The following MCC variants were observed in gnomAD, a reference collection of about 807,000 sequenced individuals.
The protein encoded by MCC is colorectal mutant cancer protein.
MCC carries 90 observed loss-of-function variants against 116.2 expected under a neutral mutation model. The observed-to-expected ratio is 0.77, with a 90% CI of 0.65 to 0.92. The LOEUF is 0.92. Among genes scored for constraint, MCC ranks in the 40% least tolerant of loss-of-function variants. The pLI, the probability that MCC is intolerant of heterozygous loss-of-function variation, is 0.00. For synonymous variants in MCC, 578 were observed against 510.5 expected (o/e 1.13, Z -1.78); for missense variants, 1,516 against 1,312.2 (o/e 1.16, Z -2.40).
chr5:113,281,413 C>T (rs2150357258), intron 3 of MCC, among the ~76,000 whole-genome samples: 1 of 152,332 alleles, frequency 6.6e-6, no homozygotes, highest in South Asian at 2.1e-4. Flanking sequence ...AATGGTCATG[C>T]ACCACATGAA....
intron 13 of MCC, 24 bp from the exon 14 acceptor site, chr5:113,064,191 A>G: frequency 1.3e-6 from 2 of 1,593,146 alleles, no homozygotes; most frequent in Non-Finnish European, 1.7e-6. Context: ...AAGCCAACGG[A>G]TTAATCAACA....
At chr5:113,404,395 T>C (rs778053246) in intron 1 of MCC, among the ~76,000 whole-genome samples, 36 of 152,082 alleles carry the variant, frequency 2.4e-4, no homozygotes, top group Non-Finnish European at 4.9e-4. Context: ...TGTGGGAAAA[T>C]GAGTCCTGGT....
intron 11 of MCC, among the ~76,000 whole-genome samples, chr5:113,075,381 G>A (rs185654045): frequency 2.2e-4 from 34 of 152,314 alleles, no homozygotes; most frequent in South Asian, 8.3e-4. Flanking sequence ...CTGCTCTGAG[G>A]TGCCCAGTCC....
intron 1 of MCC, among the ~76,000 whole-genome samples, chr5:113,480,686 A>G (rs147697768): frequency 6.6e-6 from 1 of 152,346 alleles, no homozygotes; most frequent in East Asian, 1.9e-4. Flanking sequence ...GCATCCCTAA[A>G]TATTTTGATG....
chr5:113,426,044 A>G (rs1770473126), intron 1 of MCC, among the ~76,000 whole-genome samples: 1 of 152,144 alleles, frequency 6.6e-6, no homozygotes, highest in Non-Finnish European at 1.5e-5. Flanking sequence ...CAGGCAGGCC[A>G]GGTCCTCAAG....
At chr5:113,136,347 A>G (rs1265967204) in intron 5 of MCC, among the ~76,000 whole-genome samples, 1 of 152,176 alleles carries the variant, frequency 6.6e-6, no homozygotes, top group Non-Finnish European at 1.5e-5. Context: ...AAATAAGAAA[A>G]TATAAATAAA....
intron 3 of MCC, among the ~76,000 whole-genome samples, chr5:113,184,888 C>G (rs1761819792): frequency 6.6e-6 from 1 of 152,156 alleles, no homozygotes; most frequent in Non-Finnish European, 1.5e-5. Flanking sequence ...GTATAAAGTA[C>G]TCATGACACA....
At chr5:113,308,044 C>T (rs1767033604) in intron 3 of MCC, among the ~76,000 whole-genome samples, 1 of 151,704 alleles carries the variant, frequency 6.6e-6, no homozygotes, top group South Asian at 2.1e-4. Context: ...ACGATCATGG[C>T]CCACTGCAGC....
At chr5:113,151,529 G>A (rs1759877148) in intron 3 of MCC, 107 bp from the exon 4 acceptor site, 1 of 649,948 alleles carries the variant, frequency 1.5e-6, no homozygotes, top group Non-Finnish European at 2.7e-6. Flanking sequence ...CATCCAAAAA[G>A]CAACACTTTT....
At chr5:113,112,611 G>C (rs942291834) in intron 6 of MCC, among the ~76,000 whole-genome samples, 5 of 152,058 alleles carry the variant, frequency 3.3e-5, no homozygotes, top group African/African-American at 1.2e-4. Flanking sequence ...GTGTGAAAAC[G>C]GACTAATACA....
At chr5:113,384,596 CA>C (rs991729438) in intron 2 of MCC, among the ~76,000 whole-genome samples, 7 of 152,146 alleles carry the variant, frequency 4.6e-5, no homozygotes, top group East Asian at 3.9e-4. Context: ...CCCCGCCCCC[CA>C]AAAAAATTGC....
intron 3 of MCC, among the ~76,000 whole-genome samples, chr5:113,317,435 T>C (rs1163682772): frequency 6.6e-6 from 1 of 152,214 alleles, no homozygotes; most frequent in Non-Finnish European, 1.5e-5. Context: ...TTTGAGTAAA[T>C]GACACTATAA....
chr5:113,472,967 T>G (rs1772134976), intron 1 of MCC, among the ~76,000 whole-genome samples: 1 of 152,250 alleles, frequency 6.6e-6, no homozygotes, highest in Admixed American at 6.5e-5. Flanking sequence ...AATCAACGCA[T>G]GATGTCAGGT....
chr5:113,082,980 G>C lies in MCC; in HGVS notation c.1664C>G (p.Ala555Gly). ...GVSSSVAEHL[A>G]HSLQDCSNIQ... The stretch of plus-strand genomic sequence containing the variant: ...ATTGGAGCAGTCCTGAAGTGAGTGG[G>C]CCAGGTGTTCAGCCACACTGCTGGA... The change falls in exon 11 of 19, where the codon GCC becomes GGC. Residue 555 changes from alanine (A) to glycine (G), a missense_variant. Coordinates refer to ENST00000408903, the MANE Select transcript of MCC (RefSeq NM_001085377.2). The C allele has an allele frequency of 6.2e-7, 1 of 1,614,000 alleles. No homozygotes were observed. The highest frequency in any genetic ancestry group is 1.1e-5 in the South Asian group (1 of 91,034).
Position 113,028,970 on chromosome 5 carries a change from G to A in MCC, c.2843C>T (p.Ser948Phe). Reference sequence around the variant, plus strand: ...CTTTAGATCATTCACGAACTCTGCAGATTGCTGATGTCGGATTTCACTGCT... The same window carrying A: ...CTTTAGATCATTCACGAACTCTGCAAATTGCTGATGTCGGATTTCACTGCT... ...TKSSEIRHQQ[S>F]AEFVNDLKRA... Residue 948 changes from serine to phenylalanine, a missense_variant, in exon 18 of 19, where the codon TCT becomes TTT. By Grantham distance (155) the Ser-to-Phe change is radical. Coordinates refer to ENST00000408903, the MANE Select transcript of MCC (RefSeq NM_001085377.2). The A allele has an allele frequency of 6.2e-7, 1 of 1,614,076 alleles. No individual in the cohort carries two copies. Among genetic ancestry groups the A allele is most frequent in the Non-Finnish European group, 8.5e-7 (1 of 1,179,986 alleles).
intron 3 of MCC, among the ~76,000 whole-genome samples, chr5:113,184,421 G>A (rs1761786080): frequency 6.6e-6 from 1 of 150,616 alleles, no homozygotes; most frequent in Admixed American, 6.6e-5. Flanking sequence ...TTACTTTGCT[G>A]ATCTATGGAA....
At position 113,472,489 on chromosome 5, in the gene MCC, C is replaced by T. The variant is rs6868620; in HGVS notation, c.170+15756G>A. 3.1e-3 allele frequency among the ~76,000 whole-genome samples: 465 copies of T among 152,326 alleles called. 7 individuals are homozygous for T. The highest frequency in any genetic ancestry group is 0.02 in the East Asian group (104 of 5,192). ...TAAGACAAAATACTCCTTAAGGTCACAAGTTATAATATATTCAACTTTGTA... is the reference window on the plus strand; with the variant it reads ...TAAGACAAAATACTCCTTAAGGTCATAAGTTATAATATATTCAACTTTGTA... On this transcript the variant is annotated intron_variant, in intron 1 of 18. Transcript: ENST00000408903.
chr5:113,258,609 G>A (rs547879167), intron 3 of MCC, among the ~76,000 whole-genome samples: 38 of 152,336 alleles, frequency 2.5e-4, no homozygotes, highest in Admixed American at 1.4e-3. Context: ...AATACCATCC[G>A]CCACCCCTGC....
At chr5:113,092,775 T>C (rs1254076474) in intron 8 of MCC, among the ~76,000 whole-genome samples, 1 of 152,162 alleles carries the variant, frequency 6.6e-6, no homozygotes, top group Admixed American at 6.5e-5. Context: ...CTGGCCAGAT[T>C]TCCCAAAAGC....
Sources: allele counts gnomAD v4.1 joint callset (sites outside exome capture counted in the v4.1 genomes callset), GRCh38; gene constraint gnomAD v4.1.1; transcripts MANE v1.5; gene names NCBI Gene and HGNC (gene_info 2026-07-23, HGNC 2026-07-21).